The following PPM1G variants were observed in gnomAD, a reference collection of about 807,000 sequenced individuals.
The protein encoded by PPM1G is protein phosphatase 1G.
In PPM1G, 12 loss-of-function variants were observed where a neutral mutation model predicts 59.4. The observed-to-expected ratio is 0.20, with a 90% CI of 0.13 to 0.33. The LOEUF is 0.33. Ranked by LOEUF, PPM1G falls within the 10% of genes least tolerant of loss-of-function variation. The probability of loss-of-function intolerance (pLI) is 1.00; values close to 1 mark genes in which losing one functional copy is unlikely to be tolerated. For synonymous variants in PPM1G, 245 were observed against 251.9 expected (o/e 0.97, Z 0.26); for missense variants, 392 against 681.3 (o/e 0.58, Z 4.73).
intron 1 of PPM1G, among the ~76,000 whole-genome samples, chr2:27,406,564 G>A (rs1159135100): frequency 1.3e-5 from 2 of 152,140 alleles, no homozygotes; most frequent in Non-Finnish European, 2.9e-5. Context: ...GGAAGATTAG[G>A]ATGTAAGGAA....
chr2:27,392,154 C>G (rs2148421959), intron 1 of PPM1G, among the ~76,000 whole-genome samples: 1 of 152,104 alleles, frequency 6.6e-6, no homozygotes, highest in Middle Eastern at 3.4e-3. Flanking sequence ...AATCTTAACT[C>G]TCCCAGACAA....
chr2:27,403,873 TA>T (rs1232588439), intron 1 of PPM1G, among the ~76,000 whole-genome samples: 178 of 140,744 alleles, frequency 1.3e-3, no homozygotes, highest in Admixed American at 1.5e-3. Flanking sequence ...AGACTCTGTC[TA>T]AAAAAAAAAA....
In PPM1G at chr2:27,385,242, G is replaced by C. The variant is rs1295473751; in HGVS notation, c.410-154C>G. ...TCAAGTCTCAGAAGAACATGCCCTA[G>C]CTCCTCCTCCTCCACAGACTTCTTT... On this transcript the variant is annotated intron_variant, in intron 4 of 9. Transcript: ENST00000344034. The surrounding 1 kb of genome is among the most constrained non-coding windows in gnomAD (Gnocchi z 4.1). 1.2e-6 allele frequency: 1 copy of C among 805,008 alleles called. No homozygotes were observed. The highest frequency in any genetic ancestry group is 1.7e-5 in the African/African-American group (1 of 57,538). 49.9% of individuals were successfully genotyped at this position (805,008 alleles called of 1,614,324 possible). A position where few individuals can be genotyped will look rare whatever the true frequency, so the allele number is the denominator to read the frequency against.
intron 1 of PPM1G, among the ~76,000 whole-genome samples, chr2:27,391,406 G>A (rs533385707): frequency 5.3e-4 from 81 of 152,266 alleles, no homozygotes; most frequent in Admixed American, 7.8e-4. Flanking sequence ...ATCTCTTTGT[G>A]GTTCTAATTT....
intron 1 of PPM1G, among the ~76,000 whole-genome samples, chr2:27,395,966 G>A (rs546898118): frequency 8.5e-5 from 13 of 152,236 alleles, no homozygotes; most frequent in Admixed American, 3.3e-4. Context: ...AAATGATACA[G>A]GTGTTGTGAA....
chr2:27,392,867 G>T, intron 1 of PPM1G: 3 of 1,451,400 alleles, frequency 2.1e-6, no homozygotes, highest in South Asian at 1.1e-5. Context: ...CCCATCTCGT[G>T]CATGTTGGTC....
chr2:27,400,049 T>C (rs956127013), intron 1 of PPM1G, among the ~76,000 whole-genome samples: 4 of 150,780 alleles, frequency 2.7e-5, no homozygotes, highest in Non-Finnish European at 4.4e-5. Context: ...TATTCAACCA[T>C]AAAAAAGAAC....
chr2:27,393,066 A>T lies in PPM1G; in HGVS notation c.121-5908T>A. 3.1e-6 allele frequency: 4 copies of T among 1,277,524 alleles called. No homozygotes were observed. In the East Asian group the frequency reaches 9.2e-5, roughly 29 times the overall value. 79.1% of individuals were successfully genotyped at this position (1,277,524 alleles called of 1,614,324 possible). A position where few individuals can be genotyped will look rare whatever the true frequency, so the allele number is the denominator to read the frequency against. Reference sequence around the variant, plus strand: ...TTTCCAAATGTAATCCATCGCATTCAGCCCGCTCTCCCATCGCATTCTCCC... The same window carrying T: ...TTTCCAAATGTAATCCATCGCATTCTGCCCGCTCTCCCATCGCATTCTCCC... On this transcript the variant is annotated intron_variant, in intron 1 of 9. Coordinates refer to ENST00000344034, the MANE Select transcript of PPM1G (RefSeq NM_177983.3).
At chr2:27,399,161 C>CAACAACAAA (rs1287773481) in intron 1 of PPM1G, among the ~76,000 whole-genome samples, 2 of 151,766 alleles carry the variant, frequency 1.3e-5, no homozygotes, top group Non-Finnish European at 2.9e-5. Flanking sequence ...ACAACAACAA[C>CAACAACAAA]AACAACAACA....
intron 1 of PPM1G, among the ~76,000 whole-genome samples, chr2:27,398,975 T>A (rs1281454272): frequency 6.6e-6 from 1 of 151,222 alleles, no homozygotes; most frequent in African/African-American, 2.4e-5. Context: ...TGAAACCCGG[T>A]CTCTACTAAA....
intron 1 of PPM1G, among the ~76,000 whole-genome samples, chr2:27,389,508 A>G (rs1027197492): frequency 1.3e-5 from 2 of 152,020 alleles, no homozygotes; most frequent in African/African-American, 2.4e-5. Context: ...ATGTCTGCTC[A>G]TAACCTTTAC....
At chr2:27,406,117 CAA>C (rs1663356027) in intron 1 of PPM1G, among the ~76,000 whole-genome samples, 1 of 152,176 alleles carries the variant, frequency 6.6e-6, no homozygotes, top group African/African-American at 2.4e-5. Context: ...ATTTTTGTCT[CAA>C]GAGTCCTCTC....
intron 1 of PPM1G, among the ~76,000 whole-genome samples, chr2:27,405,415 T>C (rs1258276206): frequency 6.6e-6 from 1 of 151,638 alleles, no homozygotes; most frequent in African/African-American, 2.4e-5. Flanking sequence ...ACTTTTTTCA[T>C]GGAGAAAGGA....
chr2:27,386,559 T>G (rs536477415), intron 2 of PPM1G: 8 of 230,322 alleles, frequency 3.5e-5, no homozygotes. Context: ...CTGGGTACAC[T>G]TTTTTGTTTT....
At chr2:27,395,139 G>A (rs1405521327) in intron 1 of PPM1G, among the ~76,000 whole-genome samples, 1 of 108,840 alleles carries the variant, frequency 9.2e-6, no homozygotes, top group African/African-American at 5.1e-5. Context: ...GCTGAGACAG[G>A]AGAATCACTA....
At chr2:27,389,103 AC>A (rs1425684426) in intron 1 of PPM1G, among the ~76,000 whole-genome samples, 2 of 152,194 alleles carry the variant, frequency 1.3e-5, no homozygotes, top group Non-Finnish European at 2.9e-5. Context: ...CTGGTCAGCT[AC>A]CTTATGGTGT....
intron 1 of PPM1G, among the ~76,000 whole-genome samples, chr2:27,387,523 CAG>C (rs1345380051): frequency 1.3e-5 from 2 of 151,640 alleles, no homozygotes; most frequent in South Asian, 2.1e-4. Context: ...TTTTTTGAGA[CAG>C]AGTCTCGCCC....
intron 1 of PPM1G, chr2:27,392,665 G>T: frequency 7.9e-6 from 5 of 629,392 alleles, no homozygotes; most frequent in East Asian, 3.0e-5. Context: ...ACAAATCAAA[G>T]AACTTAAGTG....
intron 1 of PPM1G, 30 bp downstream of exon 1, chr2:27,409,273 C>T: frequency 1.9e-6 from 3 of 1,545,812 alleles, no homozygotes; most frequent in Non-Finnish European, 1.7e-6. Context: ...CGCCCCGCAG[C>T]GGCCAGCCTA....
Sources: gnomAD v4.1 joint callset for allele counts (sites outside exome capture counted in the v4.1 genomes callset) on GRCh38, gnomAD v4.1.1 for gene constraint, Gnocchi (gnomAD v3.1) non-coding constraint, MANE v1.5 for transcripts, NCBI Gene and HGNC (gene_info 2026-07-23, HGNC 2026-07-21) for gene names.